The following PIGU variants were observed in gnomAD, a reference collection of about 807,000 sequenced individuals.
PIGU encodes the protein phosphatidylinositol glycan anchor biosynthesis class U.
PIGU carries 24 observed loss-of-function variants against 49.9 expected under a neutral mutation model. That is an observed-to-expected ratio of 0.48 (90% CI 0.35 to 0.68). PIGU has a LOEUF of 0.68. Ranked by LOEUF, PIGU falls within the 30% of genes least tolerant of loss-of-function variation. The probability of loss-of-function intolerance (pLI) is 0.01; values close to 1 mark genes in which losing one functional copy is unlikely to be tolerated. For missense variants in PIGU, 490 were observed against 532.6 expected, an observed-to-expected ratio of 0.92 and a Z score of 0.79; for synonymous variants, 220 against 205.7, an observed-to-expected ratio of 1.07 and a Z score of -0.59.
At chr20:34,635,188 C>T (rs904717368) in intron 5 of PIGU, among the ~76,000 whole-genome samples, 1 of 152,222 alleles carries the variant, frequency 6.6e-6, no homozygotes, top group African/African-American at 2.4e-5. Flanking sequence ...AGCCACATAT[C>T]TCAAGAATAG....
intron 6 of PIGU, among the ~76,000 whole-genome samples, chr20:34,619,423 T>C (rs962717452): frequency 1.3e-5 from 2 of 152,204 alleles, no homozygotes; most frequent in African/African-American, 4.8e-5. Context: ...AAAATCTGAA[T>C]GATTTTTTGG....
At chr20:34,598,017 C>T (rs1265029498) in intron 7 of PIGU, among the ~76,000 whole-genome samples, 1 of 151,758 alleles carries the variant, frequency 6.6e-6, no homozygotes, top group Admixed American at 6.6e-5. Context: ...CCAGCCTGGG[C>T]AACATGATGA....
chr20:34,610,521 G>A (rs1300155823), intron 7 of PIGU, among the ~76,000 whole-genome samples: 1 of 152,146 alleles, frequency 6.6e-6, no homozygotes, highest in Non-Finnish European at 1.5e-5. Flanking sequence ...CCTCTTCAAG[G>A]AGGACTGCAA....
At chr20:34,612,615 TTTTC>T (rs1467369267) in intron 7 of PIGU, among the ~76,000 whole-genome samples, 1 of 151,236 alleles carries the variant, frequency 6.6e-6, no homozygotes, top group Non-Finnish European at 1.5e-5. Context: ...TTTTCTTTCC[TTTTC>T]TTTTTTTTTT....
intron 11 of PIGU, chr20:34,562,448 CA>C: frequency 7.8e-7 from 1 of 1,288,774 alleles, no homozygotes; most frequent in Non-Finnish European, 1.0e-6. Flanking sequence ...GAAGGTAACA[CA>C]ACAGCAGCTA....
intron 2 of PIGU, among the ~76,000 whole-genome samples, chr20:34,653,116 G>C (rs1450341277): frequency 1.3e-5 from 2 of 152,064 alleles, no homozygotes; most frequent in African/African-American, 4.8e-5. Context: ...GGGATTACAG[G>C]TGCACAACAC....
intron 5 of PIGU, among the ~76,000 whole-genome samples, chr20:34,636,050 C>A (rs1479780986): frequency 1.3e-5 from 2 of 151,056 alleles, no homozygotes; most frequent in African/African-American, 4.9e-5. Flanking sequence ...ATAAAAAAAC[C>A]CTTAGCCAGG....
intron 6 of PIGU, among the ~76,000 whole-genome samples, chr20:34,623,236 G>C (rs1985315592): frequency 6.6e-6 from 1 of 152,184 alleles, no homozygotes. Context: ...AGAAAAGGAA[G>C]TTGCACCAGG....
In PIGU at chr20:34,607,503, T is replaced by C. The variant is rs113858961; in HGVS notation, c.627+8539A>G. ...TGACCGAACTGAGGGGAAGACCACC[T>C]TCCTGCTCCATCCCCTTTCCAGCTC... On this transcript the variant is annotated intron_variant, in intron 7 of 11. Transcript: ENST00000217446. 2.0e-3 allele frequency among the ~76,000 whole-genome samples: 300 copies of C among 152,264 alleles called. 2 individuals are homozygous for C. The highest frequency in any genetic ancestry group is 6.3e-3 in the African/African-American group (261 of 41,550).
At chr20:34,645,984 C>T (rs1600656836) in intron 2 of PIGU, among the ~76,000 whole-genome samples, 3 of 152,000 alleles carry the variant, frequency 2.0e-5, no homozygotes, top group East Asian at 3.9e-4. Context: ...ATATAATAGC[C>T]GAGGGGAATT....
intron 7 of PIGU, among the ~76,000 whole-genome samples, chr20:34,589,140 CACACACACAT>C (rs1321645529): frequency 2.7e-4 from 31 of 114,756 alleles, no homozygotes; most frequent in African/African-American, 9.9e-4. Context: ...CACACACACA[CACACACACAT>C]CTGTAAGTTT....
chr20:34,634,847 CAA>C, intron 5 of PIGU, 132 bp from the exon 6 acceptor site: 1 of 1,405,220 alleles, frequency 7.1e-7, no homozygotes, highest in Non-Finnish European at 9.4e-7. Context: ...TGAGTTCCCC[CAA>C]ATAAAAGAGA....
At chr20:34,650,730 T>A (rs1457685638) in intron 2 of PIGU, among the ~76,000 whole-genome samples, 10 of 99,894 alleles carry the variant, frequency 1.0e-4, no homozygotes, top group Non-Finnish European at 1.8e-4. Flanking sequence ...TTTTTTTTTT[T>A]TGAGAAGGAG....
intron 2 of PIGU, among the ~76,000 whole-genome samples, chr20:34,648,955 C>A (rs1004380221): frequency 2.0e-5 from 3 of 152,114 alleles, no homozygotes; most frequent in African/African-American, 7.2e-5. Flanking sequence ...GCAACCTCCG[C>A]CTCCTGGGTT....
chr20:34,657,283 G>A, intron 1 of PIGU, 39 bp from the exon 2 acceptor site: 2 of 1,522,830 alleles, frequency 1.3e-6, no homozygotes, highest in Non-Finnish European at 1.8e-6. Context: ...AGACTAAGCA[G>A]GCAGCTACAG....
chr20:34,575,941 T>C (rs982735024), intron 10 of PIGU, among the ~76,000 whole-genome samples: 1 of 152,208 alleles, frequency 6.6e-6, no homozygotes, highest in African/African-American at 2.4e-5. Flanking sequence ...GCTGGCTGGC[T>C]TCAGCCAAAC....
intron 1 of PIGU, among the ~76,000 whole-genome samples, chr20:34,664,944 C>T (rs925872491): frequency 2.0e-5 from 3 of 151,968 alleles, no homozygotes; most frequent in African/African-American, 7.2e-5. Flanking sequence ...TGTGCCACTG[C>T]ACTCCAGCCT....
At chr20:34,574,287 T>C (rs1358974574) in intron 11 of PIGU, among the ~76,000 whole-genome samples, 3 of 152,224 alleles carry the variant, frequency 2.0e-5, no homozygotes, top group African/African-American at 4.8e-5. Context: ...TTCCTGACCC[T>C]GTATTCCACA....
chr20:34,582,685 G>GA (rs1022266503), intron 9 of PIGU, among the ~76,000 whole-genome samples: 21 of 141,722 alleles, frequency 1.5e-4, no homozygotes, highest in South Asian at 2.2e-4. Flanking sequence ...GTCTCAAAAA[G>GA]AAAAAAAAAA....
Sources: gnomAD v4.1 joint callset for allele counts (sites outside exome capture counted in the v4.1 genomes callset) on GRCh38, gnomAD v4.1.1 for gene constraint, MANE v1.5 for transcripts, NCBI Gene and HGNC (gene_info 2026-07-23, HGNC 2026-07-21) for gene names.